Variants in DIO2 observed in about 807,000 individuals in gnomAD.
The protein encoded by DIO2 is type II iodothyronine deiodinase.
Under a neutral mutation model 21.4 loss-of-function variants are expected in DIO2, and 19 were observed. The ratio of observed to expected loss-of-function variants is 0.89; its 90% CI spans 0.62 to 1.30. DIO2 has a LOEUF of 1.30. Among genes scored for constraint, DIO2 ranks in the 50% most tolerant of loss-of-function variants. The pLI, the probability that DIO2 is intolerant of heterozygous loss-of-function variation, is 0.00. For missense variants in DIO2, 302 were observed against 338.1 expected (o/e 0.89, Z 0.84); for synonymous variants, 122 against 132.9 (o/e 0.92, Z 0.57).
chr14:80,204,250 G>A (rs1566660970), intron 1 of DIO2, among the ~76,000 whole-genome samples: 1 of 151,972 alleles, frequency 6.6e-6, no homozygotes. Context: ...GGTTACTCCA[G>A]AATTCTACTT....
intron 2 of DIO2, among the ~76,000 whole-genome samples, chr14:80,223,036 AT>A (rs903754333): frequency 6.6e-6 from 1 of 151,692 alleles, no homozygotes; most frequent in Non-Finnish European, 1.5e-5. Context: ...AAATTATTTT[AT>A]TTTTTGTAGA....
At chr14:80,203,728 C>T (rs1887839741) in intron 1 of DIO2, among the ~76,000 whole-genome samples, 1 of 152,200 alleles carries the variant, frequency 6.6e-6, no homozygotes, top group East Asian at 1.9e-4. Context: ...GTCCCTCTTT[C>T]TGAATTCTGA....
intron 2 of DIO2, among the ~76,000 whole-genome samples, chr14:80,229,473 G>A (rs1313049151): frequency 6.6e-6 from 1 of 152,072 alleles, no homozygotes; most frequent in African/African-American, 2.4e-5. Flanking sequence ...CTTCAAAGAT[G>A]CAGGTGCTGC....
chr14:80,222,105 AC>A (rs1232863641), intron 2 of DIO2, among the ~76,000 whole-genome samples: 1 of 152,246 alleles, frequency 6.6e-6, no homozygotes, highest in Non-Finnish European at 1.5e-5. Context: ...ATAAAATTTT[AC>A]CTGATGCTCT....
intron 2 of DIO2, among the ~76,000 whole-genome samples, chr14:80,220,568 G>GT (rs1406221970): frequency 1.3e-5 from 2 of 152,098 alleles, no homozygotes; most frequent in African/African-American, 4.8e-5. Flanking sequence ...TTCCAAATTA[G>GT]TGACTAGATA....
chr14:80,213,058 T>C (rs1200198249), upstream of DIO2, among the ~76,000 whole-genome samples: 2 of 152,234 alleles, frequency 1.3e-5, no homozygotes, highest in Non-Finnish European at 2.9e-5. Flanking sequence ...TTAAGGAATC[T>C]TCCTTTTTGT....
chr14:80,209,426 T>TAG lies in DIO2; in HGVS notation c.222+1824_222+1825insCT, dbSNP rs1888077317. Among the ~76,000 whole-genome samples the TAG allele has an allele frequency of 3.3e-5, 5 of 152,010 alleles. No individual in the cohort carries two copies. In the South Asian group the frequency reaches 1.0e-3, roughly 32 times the overall value. On this transcript the variant is annotated intron_variant, in intron 1 of 1. Transcript: ENST00000438257. The stretch of plus-strand genomic sequence containing the variant: ...AAGAGTTTAATATACTGAGATCAAA[T>TAG]CACTGATATTTCCATGGTATCTGCT...
chr14:80,226,509 C>T (rs1888579289), intron 2 of DIO2, among the ~76,000 whole-genome samples: 1 of 152,194 alleles, frequency 6.6e-6, no homozygotes, highest in Non-Finnish European at 1.5e-5. Flanking sequence ...AAACCTGTGC[C>T]CTTCCCATGA....
chr14:80,229,676 C>G (rs1888646955), intron 2 of DIO2, among the ~76,000 whole-genome samples: 1 of 152,142 alleles, frequency 6.6e-6, no homozygotes, highest in South Asian at 2.1e-4. Context: ...ATCTTTTAAT[C>G]TATATTTCAG....
rs369888390 is a variant in DIO2 at position 80,203,242 on chromosome 14, G to A, written c.269C>T (p.Ser90Phe). 3.1e-6 allele frequency: 5 copies of A among 1,606,574 alleles called. No homozygotes were observed. In the South Asian group the frequency reaches 5.6e-5, roughly 18 times the overall value. The change falls in exon 2 of 2, where the codon TCC becomes TTC. Residue 90 changes from serine (S) to phenylalanine (F), a missense_variant. By Grantham distance (155) the Ser-to-Phe change is radical (BLOSUM62 -2). Coordinates refer to ENST00000438257, the MANE Select transcript of DIO2 (RefSeq NM_013989.5). Reference protein sequence around the residue: ...DAPNSSVVHVSSTEGGDNSGN... With the variant: ...DAPNSSVVHVFSTEGGDNSGN... ...ACTGTTGTCACCTCCTTCTGTACTG[G>A]AGACATGCACCACACTGGAATTGGG...
intron 2 of DIO2, among the ~76,000 whole-genome samples, chr14:80,222,729 T>A (rs1038544849): frequency 1.3e-5 from 2 of 152,134 alleles, no homozygotes; most frequent in Non-Finnish European, 2.9e-5. Flanking sequence ...AAAACAGCAA[T>A]TTCATATGGT....
In DIO2 at chr14:80,202,214, A is replaced by C; in HGVS notation, c.*475T>G. On this transcript the variant is annotated 3_prime_UTR_variant, in exon 2 of 2. Coordinates refer to ENST00000438257, the MANE Select transcript of DIO2 (RefSeq NM_013989.5). ...CTAACCTTAACACCAACGTCTAACC[A>C]CATGGCCTGGGTTCAAGGACTTGTT... 1 of 478,206 alleles carries C rather than the reference A, an allele frequency of 2.1e-6. No homozygotes were observed. Among genetic ancestry groups the C allele is most frequent in the South Asian group, 1.6e-5 (1 of 62,956 alleles). The allele number at this position is 478,206 out of a possible 1,614,324, so 29.6% of individuals were successfully genotyped here.
At chr14:80,211,147 G>T in intron 1 of DIO2, 104 bp downstream of exon 1, 1 of 1,104,242 alleles carries the variant, frequency 9.1e-7, no homozygotes. Flanking sequence ...CCACAAATAG[G>T]GCTTCACAGC....
At chr14:80,229,222 G>A (rs190957902) in intron 2 of DIO2, among the ~76,000 whole-genome samples, 7 of 151,752 alleles carry the variant, frequency 4.6e-5, no homozygotes, top group African/African-American at 1.4e-4. Flanking sequence ...TCACTTCTAG[G>A]AACACCATGA....
upstream of DIO2, chr14:80,211,532 T>A: frequency 1.4e-6 from 1 of 697,900 alleles, no homozygotes; most frequent in Non-Finnish European, 1.9e-6. Context: ...CCCTCTTATT[T>A]AAAAGGGGGG....
chr14:80,216,663 A>C (rs1016205728), intron 3 of DIO2: 1 of 152,176 alleles, frequency 6.6e-6, no homozygotes, highest in African/African-American at 2.4e-5. Context: ...ATAAATAAAA[A>C]GCTGAAAATG....
At chr14:80,205,576 T>C in intron 1 of DIO2, 1 of 1,291,854 alleles carries the variant, frequency 7.7e-7, no homozygotes, top group Non-Finnish European at 1.0e-6. Context: ...ATCTGTTGCT[T>C]TAGTCACAGG....
At chr14:80,229,457 A>C (rs1051417639) in intron 2 of DIO2, among the ~76,000 whole-genome samples, 2 of 152,180 alleles carry the variant, frequency 1.3e-5, no homozygotes, top group Admixed American at 6.5e-5. Context: ...GAGCAATTAT[A>C]GGGCTCTTCA....
Position 80,198,586 on chromosome 14 carries a change from T to G in DIO2, c.*4103A>C, listed in dbSNP as rs923326905. 1.6e-4 allele frequency: 24 copies of G among 152,144 alleles called. No individual in the cohort carries two copies. The highest frequency in any genetic ancestry group is 1.5e-3 in the Admixed American group (23 of 15,246). The allele number at this position is 152,144 out of a possible 1,614,324, so 9.4% of individuals were successfully genotyped here. ...TCTAGCTCTCCCATCCTAGATCCTC[T>G]CTTTTCTTAGAGAGCCTCAGGACAT... On this transcript the variant is annotated 3_prime_UTR_variant, in exon 2 of 2. Coordinates refer to ENST00000438257, the MANE Select transcript of DIO2 (RefSeq NM_013989.5).
Sources: gnomAD v4.1 joint callset for allele counts (sites outside exome capture counted in the v4.1 genomes callset) on GRCh38, gnomAD v4.1.1 for gene constraint, MANE v1.5 for transcripts, NCBI Gene and HGNC (gene_info 2026-07-23, HGNC 2026-07-21) for gene names.